CNTNAP4: variants seen among roughly 807,000 people sequenced by gnomAD.
The protein encoded by CNTNAP4 is contactin associated protein family member 4.
In CNTNAP4, 98 loss-of-function variants were observed where a neutral mutation model predicts 148.4. That is an observed-to-expected ratio of 0.66 (90% CI 0.56 to 0.78). The LOEUF (loss-of-function observed/expected upper bound fraction) is 0.78. Among genes scored for constraint, CNTNAP4 ranks in the 30% least tolerant of loss-of-function variants. The probability of loss-of-function intolerance (pLI) is 0.00; values close to 1 mark genes in which losing one functional copy is unlikely to be tolerated. For missense variants in CNTNAP4, 1,935 were observed against 1,565.6 expected (o/e 1.24, Z -3.98); for synonymous variants, 730 against 565.1 (o/e 1.29, Z -4.14).
At chr16:76,523,094 A>G (rs1400609891) in intron 17 of CNTNAP4, among the ~76,000 whole-genome samples, 1 of 151,950 alleles carries the variant, frequency 6.6e-6, no homozygotes, top group African/African-American at 2.4e-5. Context: ...TACAGGTTAC[A>G]TGATTGGTTT....
intron 17 of CNTNAP4, among the ~76,000 whole-genome samples, chr16:76,527,180 G>A (rs2083776102): frequency 6.6e-6 from 1 of 152,114 alleles, no homozygotes; most frequent in African/African-American, 2.4e-5. Context: ...AGACACACCT[G>A]CTCTGTAATC....
In CNTNAP4 at chr16:76,553,428, C is replaced by A. The variant is rs115991219; in HGVS notation, c.3588C>A (p.His1196Gln). 1.9e-6 allele frequency: 3 copies of A among 1,612,396 alleles called. No individual in the cohort carries two copies. The South Asian group carries it at 3.3e-5, about 18-fold the overall frequency. Residue 1196 changes from histidine to glutamine, a missense_variant, in exon 22 of 24, where the codon CAC becomes CAA. His to Gln is a conservative substitution (Grantham distance 24). Coordinates refer to ENST00000611870, the MANE Select transcript of CNTNAP4 (RefSeq NM_033401.5). Reference protein sequence around the residue: ...SHPDPVTVTGHVTESSCMAQP... With the variant: ...SHPDPVTVTGQVTESSCMAQP... ...CAGACCCTGTCACTGTTACAGGACACGTGACTGAGTCCAGCTGTATGGCCC... is the reference window on the plus strand; with the variant it reads ...CAGACCCTGTCACTGTTACAGGACAAGTGACTGAGTCCAGCTGTATGGCCC...
intron 3 of CNTNAP4, among the ~76,000 whole-genome samples, chr16:76,360,596 TA>T (rs1460858636): frequency 6.6e-6 from 1 of 152,186 alleles, no homozygotes; most frequent in African/African-American, 2.4e-5. Context: ...CTGTCAAACT[TA>T]ATGCACTGCA....
intron 3 of CNTNAP4, among the ~76,000 whole-genome samples, chr16:76,376,973 A>G (rs79121515): frequency 0.013 from 1,910 of 148,356 alleles, 24 homozygotes; most frequent in Middle Eastern, 0.021. Context: ...ACATACATGT[A>G]TGGAGGTTGG....
At chr16:76,378,992 A>G (rs1192607302) in intron 3 of CNTNAP4, among the ~76,000 whole-genome samples, 2 of 152,092 alleles carry the variant, frequency 1.3e-5, no homozygotes, top group Non-Finnish European at 2.9e-5. Flanking sequence ...AAAGTTTGTG[A>G]CTTCAGACTC....
At chr16:76,281,770 C>G (rs1958696574) in intron 1 of CNTNAP4, among the ~76,000 whole-genome samples, 1 of 151,718 alleles carries the variant, frequency 6.6e-6, no homozygotes, top group Admixed American at 6.6e-5. Flanking sequence ...TTTTGTATGA[C>G]CCATGGGCTA....
intron 4 of CNTNAP4, among the ~76,000 whole-genome samples, chr16:76,431,301 G>C (rs553678397): frequency 2.0e-5 from 3 of 152,148 alleles, no homozygotes; most frequent in Non-Finnish European, 4.4e-5. Context: ...GGTGAAATCT[G>C]GAGGCAGCAA....
intron 2 of CNTNAP4, among the ~76,000 whole-genome samples, chr16:76,353,006 C>G (rs1399335788): frequency 6.6e-6 from 1 of 152,172 alleles, no homozygotes; most frequent in Non-Finnish European, 1.5e-5. Flanking sequence ...TGAGAATATT[C>G]TGCTTTATAA....
chr16:76,328,084 C>T (rs1319642762), intron 2 of CNTNAP4, among the ~76,000 whole-genome samples: 1 of 152,154 alleles, frequency 6.6e-6, no homozygotes, highest in Non-Finnish European at 1.5e-5. Flanking sequence ...TATAGATTTT[C>T]TCCGTTCAAG....
chr16:76,350,778 T>A (rs766720751), intron 2 of CNTNAP4, among the ~76,000 whole-genome samples: 9 of 152,238 alleles, frequency 5.9e-5, no homozygotes, highest in Non-Finnish European at 1.3e-4. Context: ...CTACAGCATT[T>A]AAGAGTCTTG....
At chr16:76,333,779 GTTTTTTTTTT>G (rs549878036) in intron 2 of CNTNAP4, among the ~76,000 whole-genome samples, 2 of 45,606 alleles carry the variant, frequency 4.4e-5, no homozygotes, top group African/African-American at 7.3e-5. Context: ...TGGGTTATAG[GTTTTTTTTTT>G]TTTTTTTTTT....
chr16:76,277,477 A>G lies in CNTNAP4; in HGVS notation c.-186A>G, dbSNP rs1958518900. On this transcript the variant is annotated 5_prime_UTR_variant, in exon 1 of 24. Transcript: ENST00000611870. Reference sequence around the variant, plus strand: ...GAGAGACAGAGACGGGGAGAGAGAGAGGGAGAGAGAAGAGAGGGAGGAGGG... The same window carrying G: ...GAGAGACAGAGACGGGGAGAGAGAGGGGGAGAGAGAAGAGAGGGAGGAGGG... The G allele has an allele frequency of 2.4e-5, 14 of 571,704 alleles. No individual in the cohort carries two copies. Among genetic ancestry groups the G allele is most frequent in the Middle Eastern group, 4.5e-4 (1 of 2,230 alleles). 35.4% of individuals were successfully genotyped at this position (571,704 alleles called of 1,614,324 possible). A position where few individuals can be genotyped will look rare whatever the true frequency, so the allele number is the denominator to read the frequency against.
chr16:76,428,493 G>A (rs1051578126), intron 4 of CNTNAP4, among the ~76,000 whole-genome samples: 1 of 151,450 alleles, frequency 6.6e-6, no homozygotes, highest in Non-Finnish European at 1.5e-5. Flanking sequence ...GTCACTTTGT[G>A]ATGTAAGCCA....
chr16:76,277,540 G>A lies in CNTNAP4; in HGVS notation c.-123G>A. 1.6e-6 allele frequency: 1 copy of A among 632,450 alleles called. No individual in the cohort carries two copies. Among genetic ancestry groups the A allele is most frequent in the Non-Finnish European group, 2.8e-6 (1 of 355,174 alleles). 39.2% of individuals were successfully genotyped at this position (632,450 alleles called of 1,614,324 possible). A position where few individuals can be genotyped will look rare whatever the true frequency, so the allele number is the denominator to read the frequency against. On this transcript the variant is annotated 5_prime_UTR_variant, in exon 1 of 24. Coordinates refer to ENST00000611870, the MANE Select transcript of CNTNAP4 (RefSeq NM_033401.5). ...CGGAGGGAGGTGAGGAGGAAGGGAG[G>A]GGGAGAGACAGAGACCTAGAGGGGC...
intron 12 of CNTNAP4, among the ~76,000 whole-genome samples, chr16:76,483,629 G>T (rs908496118): frequency 2.5e-4 from 38 of 152,140 alleles, no homozygotes; most frequent in African/African-American, 8.9e-4. Flanking sequence ...TCTGGGAGTA[G>T]GGGGCGTTTT....
intron 1 of CNTNAP4, among the ~76,000 whole-genome samples, chr16:76,303,085 C>G (rs1010259871): frequency 2.0e-5 from 3 of 152,172 alleles, no homozygotes; most frequent in Non-Finnish European, 4.4e-5. Context: ...ACCAGCCAAA[C>G]TTTTTCCTTG....
chr16:76,385,994 C>A (rs555856221), intron 3 of CNTNAP4, among the ~76,000 whole-genome samples: 1 of 151,956 alleles, frequency 6.6e-6, no homozygotes, highest in African/African-American at 2.4e-5. Context: ...TGAAAAAAAA[C>A]ACTTGTTTAC....
At chr16:76,551,068 C>G (rs1054604928) in intron 21 of CNTNAP4, among the ~76,000 whole-genome samples, 3 of 151,934 alleles carry the variant, frequency 2.0e-5, no homozygotes, top group African/African-American at 7.3e-5. Flanking sequence ...TTTATTATTA[C>G]GTAGAAAACA....
rs8061383 is a variant in CNTNAP4 at position 76,456,693 on chromosome 16, C to T, written c.1333+3924C>T. ...AACACCAAGGTCTCACTGGTGGTAC[C>T]AGGCTGTGTCCTAGCTGTTGCGGCC... is the stretch of plus-strand genomic sequence containing the variant. On this transcript the variant is annotated intron_variant, in intron 8 of 23. Transcript: ENST00000611870. Among the ~76,000 whole-genome samples, 727 of 152,248 alleles carry T rather than the reference C, an allele frequency of 4.8e-3. 3 individuals carry two copies. Among genetic ancestry groups the T allele is most frequent in the Middle Eastern group, 0.017 (5 of 294 alleles).
Sources: allele counts gnomAD v4.1 joint callset (sites outside exome capture counted in the v4.1 genomes callset), GRCh38; gene constraint gnomAD v4.1.1; transcripts MANE v1.5; gene names NCBI Gene and HGNC (gene_info 2026-07-23, HGNC 2026-07-21).